DHRS12: variants seen among roughly 807,000 people sequenced by gnomAD.
DHRS12 encodes dehydrogenase/reductase SDR family member 12.
In DHRS12, 29 loss-of-function variants were observed where a neutral mutation model predicts 32.1. The observed-to-expected ratio is 0.90, with a 90% CI of 0.67 to 1.23. DHRS12 has a LOEUF of 1.23. Among genes scored for constraint, DHRS12 ranks in the 50% most tolerant of loss-of-function variants. The pLI, the probability that DHRS12 is intolerant of heterozygous loss-of-function variation, is 0.00. For missense variants in DHRS12, 330 were observed against 337.2 expected (o/e 0.98, Z 0.17); for synonymous variants, 150 against 135.9 (o/e 1.10, Z -0.72).
At position 51,769,275 on chromosome 13, in the gene DHRS12, G is replaced by A. The variant is rs574218664; in HGVS notation, c.578C>T (p.Pro193Leu). The A allele has an allele frequency of 4.7e-5, 74 of 1,579,076 alleles. No individual in the cohort carries two copies. Among genetic ancestry groups the A allele is most frequent in the African/African-American group, 3.1e-4 (23 of 74,152 alleles). ...ADTPGVRQAM[P>L]GFHARFGDRL... ...GTCCCCGAACCTGGCGTGGAACCCC[G>A]GCATCGCCTGCCTCACACCTGGGAG... is the stretch of plus-strand genomic sequence containing the variant. The change falls in exon 8 of 9, where the codon CCG (proline) becomes CTG (leucine). Residue 193 changes from proline (P) to leucine (L), a missense_variant. Physicochemically the swap from Pro to Leu is moderately conservative, Grantham distance 98. Coordinates refer to ENST00000444610, the MANE Select transcript of DHRS12 (RefSeq NM_001377533.1).
chr13:51,782,014 G>A lies in DHRS12; in HGVS notation c.302-4893C>T, dbSNP rs553276789. Among the ~76,000 whole-genome samples the A allele has an allele frequency of 3.3e-5, 5 of 152,298 alleles. No homozygotes were observed. Among genetic ancestry groups the A allele is most frequent in the South Asian group, 2.1e-4 (1 of 4,832 alleles). On this transcript the variant is annotated intron_variant, in intron 4 of 8. Transcript: ENST00000444610. The surrounding 1 kb of genome is among the most constrained non-coding windows in gnomAD (Gnocchi z 4.2). The stretch of plus-strand genomic sequence containing the variant: ...AGAGCAGGAGACAGACTGGGGACAC[G>A]TTGTGCAGAGAGTCCAAAGGCACGA...
intron 5 of DHRS12, among the ~76,000 whole-genome samples, chr13:51,776,756 C>G (rs533058162): frequency 2.8e-4 from 43 of 152,308 alleles, no homozygotes; most frequent in African/African-American, 9.9e-4. Context: ...CAGCACCACC[C>G]TGACCTGAGC....
chr13:51,768,470 A>AT, intron 8 of DHRS12, 174 bp from the exon 9 acceptor site: 5 of 1,434,868 alleles, frequency 3.5e-6, no homozygotes, highest in Admixed American at 2.8e-5. Flanking sequence ...GCATGGATTG[A>AT]TATGTAAAGT....
chr13:51,778,824 G>A (rs576038510), intron 4 of DHRS12, among the ~76,000 whole-genome samples: 38 of 152,112 alleles, frequency 2.5e-4, no homozygotes, highest in Admixed American at 1.0e-3. Flanking sequence ...CAAGTAGCAG[G>A]TGCTTTTAAA....
downstream of DHRS12, chr13:51,767,526 AGAT>A (rs1006965092): frequency 2.1e-4 from 32 of 152,572 alleles, no homozygotes; most frequent in African/African-American, 7.5e-4. Flanking sequence ...GAATGTATGT[AGAT>A]GTATTCTAAA....
intron 4 of DHRS12, among the ~76,000 whole-genome samples, chr13:51,779,966 C>G: frequency 6.6e-6 from 1 of 152,028 alleles, no homozygotes; most frequent in Non-Finnish European, 1.5e-5. Context: ...CACTTGAGGT[C>G]AGGAGTTCAA....
intron 2 of DHRS12, among the ~76,000 whole-genome samples, chr13:51,795,196 C>T (rs1267248894): frequency 6.6e-6 from 1 of 152,118 alleles, no homozygotes; most frequent in Non-Finnish European, 1.5e-5. Flanking sequence ...GCCCAAGGGA[C>T]CTTCTTTCTT....
chr13:51,784,330 CAG>C (rs1172508489), intron 4 of DHRS12, among the ~76,000 whole-genome samples: 1 of 152,174 alleles, frequency 6.6e-6, no homozygotes, highest in Non-Finnish European at 1.5e-5. Flanking sequence ...ATGTGTCCAG[CAG>C]AGTCACAGAG....
chr13:51,764,166 C>G (rs1200292091), downstream of DHRS12: 1 of 152,154 alleles, frequency 6.6e-6, no homozygotes, highest in Non-Finnish European at 1.5e-5. Context: ...TTTGAATGTT[C>G]ATGTCAACCG....
chr13:51,791,050 A>C, intron 3 of DHRS12, 115 bp downstream of exon 3: 3 of 627,254 alleles, frequency 4.8e-6, no homozygotes, highest in South Asian at 3.2e-5. Context: ...AGCATAAGAG[A>C]GTCTTACTAA....
At chr13:51,791,821 T>G (rs1467176784) in intron 2 of DHRS12, among the ~76,000 whole-genome samples, 1 of 152,236 alleles carries the variant, frequency 6.6e-6, no homozygotes, top group Non-Finnish European at 1.5e-5. Flanking sequence ...TTCTGAGTAC[T>G]ATGGCTACCT....
chr13:51,771,384 T>C lies in DHRS12; in HGVS notation c.559+437A>G, dbSNP rs756990621. On this transcript the variant is annotated intron_variant, in intron 7 of 8. Coordinates refer to ENST00000444610, the MANE Select transcript of DHRS12 (RefSeq NM_001377533.1). ...ACACGCTTCCAGATCATTCGAGCTG[T>C]GTCCTTGTGGCTGGCATTTACCTTC... 185 of 1,614,000 alleles carry C rather than the reference T, an allele frequency of 1.1e-4. No individual in the cohort carries two copies. In the Admixed American group the frequency reaches 3.0e-3, roughly 26 times the overall value.
chr13:51,771,872 G>A lies in DHRS12; in HGVS notation c.508C>T (p.His170Tyr). The A allele has an allele frequency of 1.2e-6, 2 of 1,614,146 alleles. No homozygotes were observed. The highest frequency in any genetic ancestry group is 8.5e-7 in the Non-Finnish European group (1 of 1,180,016). The change falls in exon 7 of 9, where the codon CAC (histidine) becomes TAC (tyrosine). Residue 170 changes from histidine (H) to tyrosine (Y), a missense_variant. His to Tyr is a moderately conservative substitution (Grantham distance 83, BLOSUM62 2). Transcript: ENST00000444610. Reference sequence around the variant, plus strand: ...ATGGAAGAAAAATGGATGGCCGGGTGCCCTTGGGCCCACCGCTCCGTCAGA... The same window carrying A: ...ATGGAAGAAAAATGGATGGCCGGGTACCCTTGGGCCCACCGCTCCGTCAGA... The part of the protein sequence containing the change: ...VVLTERWAQG[H>Y]PAIHFSSMHP...
At chr13:51,797,991 T>A in intron 2 of DHRS12, 2 of 1,352,382 alleles carry the variant, frequency 1.5e-6, no homozygotes, top group Non-Finnish European at 2.0e-6. Context: ...TGAAGACATA[T>A]GGGCTCACAG....
rs1954461030 is a variant in DHRS12 at position 51,777,083 on chromosome 13, C to G, written c.340G>C (p.Glu114Gln). The G allele has an allele frequency of 6.2e-7, 1 of 1,613,856 alleles. No homozygotes were observed. The highest frequency in any genetic ancestry group is 1.3e-5 in the African/African-American group (1 of 74,854). ...ACCACTCGGGGGTCGTGTTCTTTCTCCAGCACAGGGATCAGGCCGGTCGTG... is the reference window on the plus strand; with the variant it reads ...ACCACTCGGGGGTCGTGTTCTTTCTGCAGCACAGGGATCAGGCCGGTCGTG... ...ILTTGLIPVL[E>Q]KEHDPRVITV... is the part of the protein sequence containing the mutation. Residue 114 changes from glutamate (E) to glutamine (Q), a missense_variant, in exon 5 of 9, where the codon GAG (glutamate) becomes CAG (glutamine). By Grantham distance (29) the Glu-to-Gln change is conservative (BLOSUM62 2). Coordinates refer to ENST00000444610, the MANE Select transcript of DHRS12 (RefSeq NM_001377533.1).
At chr13:51,790,782 A>ATTATG (rs1476168159) in intron 3 of DHRS12, among the ~76,000 whole-genome samples, 3 of 152,196 alleles carry the variant, frequency 2.0e-5, no homozygotes, top group African/African-American at 7.2e-5. Context: ...TTTTGTGCTA[A>ATTATG]TTATGTTACT....
Position 51,799,424 on chromosome 13 carries a change from G to A in DHRS12, c.126+110C>T, listed in dbSNP as rs576850791. The A allele has an allele frequency of 2.5e-5, 37 of 1,485,760 alleles. No homozygotes were observed. The African/African-American group carries it at 2.5e-4, about 10-fold the overall frequency. The allele number at this position is 1,485,760 out of a possible 1,614,324, so 92.0% of individuals were successfully genotyped here. On this transcript the variant is annotated intron_variant, in intron 2 of 8. Coordinates refer to ENST00000444610, the MANE Select transcript of DHRS12 (RefSeq NM_001377533.1). ...CAGCTGTGCCCAGAACCATGGGATCGCCGTCCAGGACTTCCTGGCCTGCCT... is the reference window on the plus strand; with the variant it reads ...CAGCTGTGCCCAGAACCATGGGATCACCGTCCAGGACTTCCTGGCCTGCCT...
At position 51,774,029 on chromosome 13, in the gene DHRS12, G is replaced by A. The variant is rs772321823; in HGVS notation, c.369C>T (p.Thr123=). 96 of 1,613,558 alleles carry A rather than the reference G, an allele frequency of 5.9e-5. No individual in the cohort carries two copies. The highest frequency in any genetic ancestry group is 7.8e-5 in the Non-Finnish European group (92 of 1,179,740). Reference sequence around the variant, plus strand: ...GAACCAACATTCCTCCTGAGGAGACGGTTATCTGCAATAAAGGTAACAGAG... The same window carrying A: ...GAACCAACATTCCTCCTGAGGAGACAGTTATCTGCAATAAAGGTAACAGAG... ...LEKEHDPRVI[T]VSSGGMLVQK... The change falls in exon 6 of 9, where the codon ACC becomes ACT. Residue 123 remains threonine, a synonymous_variant. Transcript: ENST00000444610.
intron 7 of DHRS12, 109 bp from the exon 8 acceptor site, chr13:51,769,402 A>G: frequency 3.2e-6 from 3 of 931,796 alleles, no homozygotes; most frequent in Non-Finnish European, 4.6e-6. Flanking sequence ...TGGGATCATA[A>G]ACTGCTCCTT....
Sources: gnomAD v4.1 joint callset for allele counts (sites outside exome capture counted in the v4.1 genomes callset) on GRCh38, gnomAD v4.1.1 for gene constraint, Gnocchi (gnomAD v3.1) non-coding constraint, MANE v1.5 for transcripts, NCBI Gene and HGNC (gene_info 2026-07-23, HGNC 2026-07-21) for gene names.